Variants in DEUP1 observed in about 807,000 individuals in gnomAD.
DEUP1 encodes deuterosome assembly protein 1.
Under a neutral mutation model 87.4 loss-of-function variants are expected in DEUP1, and 82 were observed. The observed-to-expected ratio is 0.94, with a 90% CI of 0.78 to 1.13. The LOEUF (loss-of-function observed/expected upper bound fraction) is 1.13. Ranked by LOEUF, DEUP1 falls within the 50% of genes most tolerant of loss-of-function variation. The probability of loss-of-function intolerance (pLI) is 0.00; values close to 1 mark genes in which losing one functional copy is unlikely to be tolerated. For synonymous variants in DEUP1, 214 were observed against 222.7 expected, an observed-to-expected ratio of 0.96 and a Z score of 0.35; for missense variants, 663 against 681.5, an observed-to-expected ratio of 0.97 and a Z score of 0.30.
At chr11:93,428,850 AG>A (rs780744006) in intron 13 of DEUP1, among the ~76,000 whole-genome samples, 218 of 152,312 alleles carry the variant, frequency 1.4e-3, no homozygotes, top group Middle Eastern at 3.4e-3. Flanking sequence ...TAAATTAAAA[AG>A]AAAAAGAGTT....
intron 13 of DEUP1, among the ~76,000 whole-genome samples, chr11:93,427,220 A>T (rs1394615557): frequency 6.6e-6 from 1 of 150,824 alleles, no homozygotes; most frequent in Non-Finnish European, 1.5e-5. Flanking sequence ...CCTGACTTCA[A>T]ACTATACTAC....
chr11:93,398,208 C>G (rs1947001365), intron 11 of DEUP1, among the ~76,000 whole-genome samples: 2 of 152,054 alleles, frequency 1.3e-5, no homozygotes, highest in Admixed American at 1.3e-4. Flanking sequence ...CAACAGTATC[C>G]CTTGGAATCT....
chr11:93,352,852 C>A (rs774432888), intron 2 of DEUP1, among the ~76,000 whole-genome samples: 3 of 152,126 alleles, frequency 2.0e-5, no homozygotes, highest in Non-Finnish European at 2.9e-5. Flanking sequence ...CTCCCCACCC[C>A]AGGTCTCTTC....
At chr11:93,419,114 A>C (rs1353433261) in intron 13 of DEUP1, among the ~76,000 whole-genome samples, 1 of 151,904 alleles carries the variant, frequency 6.6e-6, no homozygotes, top group African/African-American at 2.4e-5. Flanking sequence ...GTGCACCAGC[A>C]TGTCACATGT....
intron 6 of DEUP1, among the ~76,000 whole-genome samples, chr11:93,370,622 G>A (rs1199695545): frequency 6.6e-6 from 1 of 152,106 alleles, no homozygotes; most frequent in African/African-American, 2.4e-5. Context: ...TTGATGTGTA[G>A]AAGTGTTTGT....
chr11:93,373,882 G>A (rs899760719), intron 7 of DEUP1, among the ~76,000 whole-genome samples: 12 of 151,856 alleles, frequency 7.9e-5, no homozygotes, highest in Admixed American at 1.3e-4. Flanking sequence ...TTCCTTAGTG[G>A]TTATACTAGT....
chr11:93,383,722 T>A (rs912842120), intron 7 of DEUP1: 9 of 519,298 alleles, frequency 1.7e-5, no homozygotes, highest in African/African-American at 1.6e-4. Context: ...AACAATTTTT[T>A]AAAATATAGT....
At chr11:93,345,143 G>A (rs1289906200) in intron 2 of DEUP1, among the ~76,000 whole-genome samples, 1 of 152,112 alleles carries the variant, frequency 6.6e-6, no homozygotes, top group Non-Finnish European at 1.5e-5. Flanking sequence ...GTCTACTAAG[G>A]ATAATGGCCT....
chr11:93,340,966 T>G (rs773538175), intron 2 of DEUP1, among the ~76,000 whole-genome samples: 1 of 152,170 alleles, frequency 6.6e-6, no homozygotes, highest in Non-Finnish European at 1.5e-5. Flanking sequence ...TCAAGATAGC[T>G]GAACCATCTA....
intron 3 of DEUP1, among the ~76,000 whole-genome samples, chr11:93,355,910 T>G (rs1303831146): frequency 6.6e-6 from 1 of 152,234 alleles, no homozygotes; most frequent in Non-Finnish European, 1.5e-5. Context: ...TAACATTTGC[T>G]TCTTTGAATA....
chr11:93,403,248 G>A (rs1298598431), intron 11 of DEUP1, among the ~76,000 whole-genome samples: 5 of 151,954 alleles, frequency 3.3e-5, no homozygotes, highest in Admixed American at 1.3e-4. Flanking sequence ...AGAACTTTAT[G>A]AGTTGTTTAG....
In DEUP1 at chr11:93,331,808, A is replaced by G. The variant is rs145529288; in HGVS notation, c.-44-408A>G. Reference sequence around the variant, plus strand: ...GCTAAACAAAAAACTCAAGTTTGGGAGGCCGAGGTGGGTGGATCACGAGGT... The same window carrying G: ...GCTAAACAAAAAACTCAAGTTTGGGGGGCCGAGGTGGGTGGATCACGAGGT... On this transcript the variant is annotated intron_variant, in intron 1 of 13. Coordinates refer to ENST00000298050, the MANE Select transcript of DEUP1 (RefSeq NM_181645.4). Among the ~76,000 whole-genome samples, 79 of 152,320 alleles carry G rather than the reference A, an allele frequency of 5.2e-4. 1 individual carries two copies. In the East Asian group the frequency reaches 0.013, roughly 24 times the overall value.
intron 2 of DEUP1, among the ~76,000 whole-genome samples, chr11:93,347,204 C>A (rs1470815529): frequency 6.6e-6 from 1 of 152,062 alleles, no homozygotes; most frequent in Non-Finnish European, 1.5e-5. Context: ...TCCTTGGAAC[C>A]TAGTTTATTG....
intron 13 of DEUP1, among the ~76,000 whole-genome samples, chr11:93,423,758 T>G (rs1489574538): frequency 1.9e-5 from 1 of 52,046 alleles, no homozygotes. Flanking sequence ...CATAACGAAA[T>G]GAAGGCAGAA....
rs754866185 is a variant in DEUP1, at chr11:93,389,011, A to G, written c.936-9A>G. 7.2e-7 allele frequency: 1 copy of G among 1,384,604 alleles called. No individual in the cohort carries two copies. The highest frequency in any genetic ancestry group is 2.0e-5 in the Admixed American group (1 of 50,578). The allele number at this position is 1,384,604 out of a possible 1,614,324, so 85.8% of individuals were successfully genotyped here. On this transcript the variant is annotated splice_polypyrimidine_tract_variant and intron_variant, in intron 8 of 13. Coordinates refer to ENST00000298050, the MANE Select transcript of DEUP1 (RefSeq NM_181645.4). Reference sequence around the variant, plus strand: ...TAATTTTAATCATTATTTTATGTTTAATTTGTAGACTTGAATCATCTTATT... The same window carrying G: ...TAATTTTAATCATTATTTTATGTTTGATTTGTAGACTTGAATCATCTTATT...
intron 13 of DEUP1, among the ~76,000 whole-genome samples, chr11:93,416,540 G>T (rs1213909629): frequency 2.6e-5 from 4 of 151,710 alleles, no homozygotes; most frequent in Non-Finnish European, 4.4e-5. Context: ...ATAATCAATA[G>T]CTTACCAACC....
At chr11:93,431,285 T>A (rs937737646) in intron 13 of DEUP1, among the ~76,000 whole-genome samples, 2 of 152,002 alleles carry the variant, frequency 1.3e-5, no homozygotes, top group Non-Finnish European at 2.9e-5. Flanking sequence ...AAATCCAGCC[T>A]TGCAAAGATC....
intron 13 of DEUP1, 79 bp downstream of exon 13, chr11:93,415,193 T>A (rs537716729): frequency 2.4e-6 from 2 of 841,882 alleles, no homozygotes; most frequent in South Asian, 3.2e-5. Context: ...TAAACTGACG[T>A]ACATAGTAGT....
At chr11:93,368,653 C>T (rs1945543969) in intron 5 of DEUP1, among the ~76,000 whole-genome samples, 1 of 152,052 alleles carries the variant, frequency 6.6e-6, no homozygotes, top group Non-Finnish European at 1.5e-5. Flanking sequence ...TAGAAACCAC[C>T]AGGCTGGGCG....
Sources: allele counts gnomAD v4.1 joint callset (sites outside exome capture counted in the v4.1 genomes callset), GRCh38; gene constraint gnomAD v4.1.1; transcripts MANE v1.5; gene names NCBI Gene and HGNC (gene_info 2026-07-23, HGNC 2026-07-21).